GBE1: variants seen among roughly 807,000 people sequenced by gnomAD.
GBE1 encodes the protein 1,4-alpha-glucan-branching enzyme.
A neutral mutation model predicts 88.8 loss-of-function variants in GBE1; 70 were observed. That is an observed-to-expected ratio of 0.79 (90% CI 0.65 to 0.96). The LOEUF is 0.96. Ranked by LOEUF, GBE1 falls within the 40% of genes least tolerant of loss-of-function variation. The probability of loss-of-function intolerance (pLI) is 0.00; values close to 1 mark genes in which losing one functional copy is unlikely to be tolerated. For synonymous variants in GBE1, 284 were observed against 300.1 expected (o/e 0.95, Z 0.56); for missense variants, 872 against 871.0 (o/e 1.00, Z -0.01).
rs1003464637 is a variant in GBE1 at position 81,709,670 on chromosome 3, G to T, written c.144-4057C>A. Among the ~76,000 whole-genome samples the T allele has an allele frequency of 2.0e-5, 3 of 151,970 alleles. 1 individual carries two copies. Among genetic ancestry groups the T allele is most frequent in the South Asian group, 4.1e-4 (2 of 4,822 alleles). On this transcript the variant is annotated intron_variant, in intron 1 of 15. Coordinates refer to ENST00000429644, the MANE Select transcript of GBE1 (RefSeq NM_000158.4). ...GAAGTTTCTTAAAGTATTTTCAAAC[G>T]TCCCATTTAGTAAAATTTCCATGGA...
At chr3:81,671,987 A>G (rs886850260) in intron 2 of GBE1, among the ~76,000 whole-genome samples, 3 of 151,992 alleles carry the variant, frequency 2.0e-5, no homozygotes, top group African/African-American at 7.2e-5. Context: ...CAAGAGAAAA[A>G]TTGATAAAAA....
chr3:81,733,937 G>A lies in GBE1; in HGVS notation c.143+27438C>T, dbSNP rs993103930. Among the ~76,000 whole-genome samples the A allele has an allele frequency of 1.3e-5, 2 of 152,124 alleles. No individual in the cohort carries two copies. The highest frequency in any genetic ancestry group is 4.8e-5 in the African/African-American group (2 of 41,428). Reference sequence around the variant, plus strand: ...TTCTACACTTGAACAAAAGGTGAGAGTTGTACAAATTTGCCTTTCCTATCT... The same window carrying A: ...TTCTACACTTGAACAAAAGGTGAGAATTGTACAAATTTGCCTTTCCTATCT... On this transcript the variant is annotated intron_variant, in intron 1 of 15. Transcript: ENST00000429644. This position sits in a 1 kb window ranked among gnomAD's most constrained non-coding sequence, Gnocchi z 4.0.
intron 14 of GBE1, among the ~76,000 whole-genome samples, chr3:81,504,896 C>A (rs951126659): frequency 6.6e-6 from 1 of 152,162 alleles, no homozygotes; most frequent in Admixed American, 6.6e-5. Context: ...TTCACTCCCA[C>A]TGATGAAGCT....
chr3:81,710,994 G>A (rs1329497985), intron 1 of GBE1, among the ~76,000 whole-genome samples: 1 of 152,196 alleles, frequency 6.6e-6, no homozygotes, highest in African/African-American at 2.4e-5. Flanking sequence ...CGGAGGGGCG[G>A]CAGGGAGTTA....
intron 9 of GBE1, among the ~76,000 whole-genome samples, chr3:81,588,093 T>A (rs150829088): frequency 1.6e-5 from 2 of 125,682 alleles, no homozygotes; most frequent in South Asian, 2.4e-4. Flanking sequence ...AAGACTCAGG[T>A]CAAATGCTTC....
chr3:81,712,422 G>C (rs2107178072), intron 1 of GBE1, among the ~76,000 whole-genome samples: 1 of 152,220 alleles, frequency 6.6e-6, no homozygotes, highest in South Asian at 2.1e-4. Flanking sequence ...TGATAGACTG[G>C]ATTAAGAAAA....
chr3:81,701,076 C>A (rs527954442), intron 2 of GBE1, among the ~76,000 whole-genome samples: 9 of 152,224 alleles, frequency 5.9e-5, no homozygotes, highest in African/African-American at 1.9e-4. Flanking sequence ...TATTTTAAAT[C>A]ACATCTAATT....
At position 81,558,150 on chromosome 3, in the gene GBE1, A is replaced by G. The variant is rs546075213; in HGVS notation, c.1618+19775T>C. On this transcript the variant is annotated intron_variant, in intron 12 of 15. Transcript: ENST00000429644. ...GTTGGTAACCTATTTCTCAATTTGT[A>G]AAGTATGTATTTTAAGTCAATGTGT... Among the ~76,000 whole-genome samples, 3 of 152,156 alleles carry G rather than the reference A, an allele frequency of 2.0e-5. No individual in the cohort carries two copies. The East Asian group carries it at 5.8e-4, about 29-fold the overall frequency.
intron 2 of GBE1, among the ~76,000 whole-genome samples, chr3:81,690,129 C>G (rs1283031939): frequency 6.6e-6 from 1 of 152,164 alleles, no homozygotes; most frequent in Non-Finnish European, 1.5e-5. Flanking sequence ...GTGCCTACCC[C>G]AGTTTCTAAT....
chr3:81,675,388 G>C (rs1288009583), intron 2 of GBE1, among the ~76,000 whole-genome samples: 1 of 151,968 alleles, frequency 6.6e-6, no homozygotes, highest in Non-Finnish European at 1.5e-5. Context: ...TGACCAGTGA[G>C]AATCAGATTA....
intron 14 of GBE1, among the ~76,000 whole-genome samples, chr3:81,520,664 A>G (rs981667039): frequency 1.3e-5 from 2 of 151,644 alleles, no homozygotes; most frequent in Non-Finnish European, 1.5e-5. Flanking sequence ...ATACATCAGG[A>G]AAATGTATTT....
chr3:81,731,361 T>C (rs1274767702), intron 1 of GBE1, among the ~76,000 whole-genome samples: 1 of 152,196 alleles, frequency 6.6e-6, no homozygotes, highest in African/African-American at 2.4e-5. Context: ...ATTAGGTGAA[T>C]GGCTCCTTCT....
chr3:81,534,506 C>T (rs1337057233), intron 14 of GBE1, among the ~76,000 whole-genome samples: 1 of 151,896 alleles, frequency 6.6e-6, no homozygotes, highest in African/African-American at 2.4e-5. Flanking sequence ...ACATAGAGAA[C>T]ATCAAAAACA....
intron 7 of GBE1, among the ~76,000 whole-genome samples, chr3:81,614,257 T>C (rs1438513156): frequency 6.6e-6 from 1 of 152,188 alleles, no homozygotes; most frequent in Non-Finnish European, 1.5e-5. Context: ...TCTATAAATT[T>C]GGTGTGTGTC....
intron 1 of GBE1, among the ~76,000 whole-genome samples, chr3:81,722,907 T>TAC (rs1227868777): frequency 6.9e-6 from 1 of 144,366 alleles, no homozygotes; most frequent in African/African-American, 2.5e-5. Flanking sequence ...TATATATATA[T>TAC]ATATATATAC....
chr3:81,641,967 TA>T (rs1704688393), intron 7 of GBE1, among the ~76,000 whole-genome samples: 1 of 150,204 alleles, frequency 6.7e-6, no homozygotes, highest in Admixed American at 6.7e-5. Flanking sequence ...ATATGTATTA[TA>T]AAAATATGTA....
intron 7 of GBE1, among the ~76,000 whole-genome samples, chr3:81,628,783 A>G (rs1248008825): frequency 2.3e-5 from 3 of 131,142 alleles, no homozygotes; most frequent in African/African-American, 8.3e-5. Flanking sequence ...ATATATATAT[A>G]GCAACAGAGT....
intron 9 of GBE1, among the ~76,000 whole-genome samples, chr3:81,586,488 A>G (rs1166122429): frequency 6.6e-6 from 1 of 152,228 alleles, no homozygotes; most frequent in Admixed American, 6.5e-5. Flanking sequence ...TTATTTTTGA[A>G]CTACTGTAAA....
intron 1 of GBE1, among the ~76,000 whole-genome samples, chr3:81,728,128 TATA>T (rs1368144366): frequency 6.6e-6 from 1 of 152,038 alleles, no homozygotes; most frequent in Non-Finnish European, 1.5e-5. Context: ...AACCAAAAGA[TATA>T]ATAATACTGA....
Sources: gnomAD v4.1 joint callset for allele counts (sites outside exome capture counted in the v4.1 genomes callset) on GRCh38, gnomAD v4.1.1 for gene constraint, Gnocchi (gnomAD v3.1) non-coding constraint, MANE v1.5 for transcripts, NCBI Gene and HGNC (gene_info 2026-07-23, HGNC 2026-07-21) for gene names.